Variants in WSCD2 observed in about 807,000 individuals in gnomAD.
WSCD2 encodes sialate:O-sulfotransferase 2.
Under a neutral mutation model 55.7 loss-of-function variants are expected in WSCD2, and 28 were observed. The ratio of observed to expected loss-of-function variants is 0.50; its 90% CI spans 0.37 to 0.69. The LOEUF is 0.69. Among genes scored for constraint, WSCD2 ranks in the 30% least tolerant of loss-of-function variants. The probability of loss-of-function intolerance (pLI) is 0.00; values close to 1 mark genes in which losing one functional copy is unlikely to be tolerated. For synonymous variants in WSCD2, 301 were observed against 301.9 expected (o/e 1.00, Z 0.03); for missense variants, 616 against 762.1 (o/e 0.81, Z 2.26).
intron 1 of WSCD2, among the ~76,000 whole-genome samples, chr12:108,164,062 A>G (rs2136947507): frequency 6.9e-6 from 1 of 144,486 alleles, no homozygotes; most frequent in East Asian, 2.2e-4. Flanking sequence ...ACAGCCCAGG[A>G]CCCATGACAG....
At chr12:108,148,879 G>T (rs1398180688) in intron 1 of WSCD2, among the ~76,000 whole-genome samples, 1 of 152,216 alleles carries the variant, frequency 6.6e-6, no homozygotes, top group Admixed American at 6.5e-5. Flanking sequence ...GAGGATCAGA[G>T]AGGTGGAGTG....
intron 4 of WSCD2, among the ~76,000 whole-genome samples, chr12:108,221,110 T>G (rs1206297978): frequency 6.6e-6 from 1 of 152,012 alleles, no homozygotes; most frequent in Non-Finnish European, 1.5e-5. Flanking sequence ...CTCAGCAAAT[T>G]CAAGTGGAGT....
At chr12:108,197,794 G>A (rs1042942372) in intron 2 of WSCD2, among the ~76,000 whole-genome samples, 4 of 151,658 alleles carry the variant, frequency 2.6e-5, no homozygotes, top group Admixed American at 1.3e-4. Flanking sequence ...AATTCCAGAC[G>A]CCTCCCACAG....
At chr12:108,149,467 G>A (rs186343919) in intron 1 of WSCD2, among the ~76,000 whole-genome samples, 1 of 152,298 alleles carries the variant, frequency 6.6e-6, no homozygotes, top group East Asian at 1.9e-4. Context: ...GAAGCTTTCA[G>A]TATGCACCAA....
intron 1 of WSCD2, among the ~76,000 whole-genome samples, chr12:108,176,078 A>G (rs1297546619): frequency 6.6e-6 from 1 of 152,080 alleles, no homozygotes; most frequent in African/African-American, 2.4e-5. Flanking sequence ...TGACCTCATG[A>G]TCCGCCCACC....
intron 1 of WSCD2, among the ~76,000 whole-genome samples, chr12:108,156,185 C>G (rs747696229): frequency 6.6e-6 from 1 of 152,176 alleles, no homozygotes; most frequent in Non-Finnish European, 1.5e-5. Flanking sequence ...AGATTTGGTT[C>G]TTCACGAAGA....
chr12:108,223,914 C>T (rs907706410), intron 4 of WSCD2, among the ~76,000 whole-genome samples: 1 of 152,150 alleles, frequency 6.6e-6, no homozygotes, highest in Non-Finnish European at 1.5e-5. Flanking sequence ...GCCGTGAGAC[C>T]AGGATGGAGG....
chr12:108,192,392 G>A (rs934116134), intron 1 of WSCD2, among the ~76,000 whole-genome samples: 3 of 152,154 alleles, frequency 2.0e-5, no homozygotes, highest in African/African-American at 7.2e-5. Flanking sequence ...AGGTCTGTTT[G>A]CCTGTGGAGT....
Position 108,227,064 on chromosome 12 carries a change from C to T in WSCD2, c.879C>T (p.Asp293=). The change falls in exon 6 of 9, where the codon GAC becomes GAT. Residue 293 remains aspartate (D), a synonymous_variant. Transcript: ENST00000547525. ...GFPTTRFPLH[D]REDEQLCAQK... ...CCACCACCCGATTCCCGCTCCATGA[C>T]AGAGAGGATGAGCAGCTCTGTGCCC... 6.2e-7 allele frequency: 1 copy of T among 1,614,258 alleles called. No homozygotes were observed. Among genetic ancestry groups the T allele is most frequent in the South Asian group, 1.1e-5 (1 of 91,086 alleles).
intron 8 of WSCD2, chr12:108,244,660 C>A: frequency 1.4e-6 from 1 of 695,754 alleles, no homozygotes; most frequent in Admixed American, 2.0e-5. Context: ...AAGTCACATA[C>A]CTCATGTGGG....
intron 1 of WSCD2, among the ~76,000 whole-genome samples, chr12:108,147,747 T>A (rs1048602445): frequency 6.6e-6 from 1 of 151,928 alleles, no homozygotes; most frequent in Non-Finnish European, 1.5e-5. Context: ...GGTGTGGTGT[T>A]GCACACCTGT....
chr12:108,186,000 G>A (rs1447947915), intron 1 of WSCD2, among the ~76,000 whole-genome samples: 1 of 152,244 alleles, frequency 6.6e-6, no homozygotes, highest in Non-Finnish European at 1.5e-5. Context: ...CCAGTGGACT[G>A]GGTGACCTGC....
intron 1 of WSCD2, among the ~76,000 whole-genome samples, chr12:108,194,687 T>C (rs1565952087): frequency 6.6e-6 from 1 of 152,202 alleles, no homozygotes; most frequent in Non-Finnish European, 1.5e-5. Context: ...CTTTTTCCTT[T>C]TCCTTCTTGG....
intron 1 of WSCD2, among the ~76,000 whole-genome samples, chr12:108,164,516 C>T (rs1361390020): frequency 1.3e-5 from 2 of 152,080 alleles, no homozygotes; most frequent in Non-Finnish European, 2.9e-5. Flanking sequence ...TTAATCCTTT[C>T]TCCTTTTGAA....
intron 1 of WSCD2, among the ~76,000 whole-genome samples, chr12:108,133,686 C>G (rs1344609): frequency 6.6e-6 from 1 of 152,002 alleles, no homozygotes; most frequent in African/African-American, 2.4e-5. Flanking sequence ...TTGGATGATG[C>G]GTGCTCATTT....
intron 1 of WSCD2, among the ~76,000 whole-genome samples, chr12:108,163,263 G>A (rs1328135413): frequency 6.6e-6 from 1 of 152,124 alleles, no homozygotes; most frequent in East Asian, 1.9e-4. Context: ...CAGCTTCTTG[G>A]GAGGCTGAGG....
intron 1 of WSCD2, among the ~76,000 whole-genome samples, chr12:108,148,956 C>T (rs79609305): frequency 0.031 from 4,673 of 152,268 alleles, 80 homozygotes; most frequent in Non-Finnish European, 0.043. Context: ...AGGCTGATTT[C>T]AAGGTGGGGG....
intron 8 of WSCD2, chr12:108,244,574 T>C (rs1360134257): frequency 1.4e-6 from 1 of 702,694 alleles, no homozygotes; most frequent in African/African-American, 1.7e-5. Flanking sequence ...GCACAGCATC[T>C]GTAGGAGGTA....
At chr12:108,217,739 C>T (rs1482281473) in intron 4 of WSCD2, among the ~76,000 whole-genome samples, 1 of 152,222 alleles carries the variant, frequency 6.6e-6, no homozygotes, top group African/African-American at 2.4e-5. Context: ...ATCCCCCTCA[C>T]TGCACCCCCA....
Sources: gnomAD v4.1 joint callset for allele counts (sites outside exome capture counted in the v4.1 genomes callset) on GRCh38, gnomAD v4.1.1 for gene constraint, MANE v1.5 for transcripts, NCBI Gene and HGNC (gene_info 2026-07-23, HGNC 2026-07-21) for gene names.